DTNBP1: variants seen among roughly 807,000 people sequenced by gnomAD.
DTNBP1 encodes the protein dystrobrevin binding protein 1.
A neutral mutation model predicts 42.8 loss-of-function variants in DTNBP1; 35 were observed. That is an observed-to-expected ratio of 0.82 (90% CI 0.63 to 1.09). The LOEUF (loss-of-function observed/expected upper bound fraction) is 1.09. Ranked by LOEUF, DTNBP1 falls within the 50% of genes least tolerant of loss-of-function variation. The pLI is 0.00. For missense variants in DTNBP1, 457 were observed against 424.2 expected, an observed-to-expected ratio of 1.08 and a Z score of -0.68; for synonymous variants, 171 against 162.2, an observed-to-expected ratio of 1.05 and a Z score of -0.41.
chr6:15,578,676 A>C (rs1276618714), intron 7 of DTNBP1, among the ~76,000 whole-genome samples: 3 of 152,254 alleles, frequency 2.0e-5, no homozygotes, highest in Non-Finnish European at 4.4e-5. Flanking sequence ...ACTATAATAA[A>C]AACTGGAAGA....
At chr6:15,631,330 C>T (rs1179484030) in intron 4 of DTNBP1, among the ~76,000 whole-genome samples, 1 of 152,008 alleles carries the variant, frequency 6.6e-6, no homozygotes, top group African/African-American at 2.4e-5. Flanking sequence ...ACCAATTATA[C>T]AAAAATTTAA....
intron 5 of DTNBP1, among the ~76,000 whole-genome samples, chr6:15,617,530 GGAACA>G (rs1398439585): frequency 6.6e-6 from 1 of 151,870 alleles, no homozygotes; most frequent in Non-Finnish European, 1.5e-5. Context: ...CAGACATGCT[GGAACA>G]GAACAGAGAA....
intron 1 of DTNBP1, among the ~76,000 whole-genome samples, chr6:15,652,422 T>C (rs1010220987): frequency 3.3e-5 from 5 of 152,002 alleles, no homozygotes; most frequent in African/African-American, 1.2e-4. Context: ...CCTCAAATGA[T>C]CCTCCTGCCT....
intron 8 of DTNBP1, among the ~76,000 whole-genome samples, chr6:15,526,285 T>A (rs1772383441): frequency 6.6e-6 from 1 of 152,150 alleles, no homozygotes; most frequent in Non-Finnish European, 1.5e-5. Flanking sequence ...TGAGTTAATG[T>A]AAAACCTGGA....
chr6:15,612,269 T>C (rs1226663306), intron 6 of DTNBP1, among the ~76,000 whole-genome samples: 1 of 152,200 alleles, frequency 6.6e-6, no homozygotes, highest in Non-Finnish European at 1.5e-5. Context: ...AATTAAGGTA[T>C]GTACATTGTG....
intron 7 of DTNBP1, among the ~76,000 whole-genome samples, chr6:15,576,346 C>T (rs1425090004): frequency 6.6e-6 from 1 of 152,096 alleles, no homozygotes; most frequent in Admixed American, 6.5e-5. Context: ...TGGTCTCAAA[C>T]TCCTGAGCTC....
At chr6:15,632,537 C>T (rs966053026) in intron 4 of DTNBP1, among the ~76,000 whole-genome samples, 5 of 152,018 alleles carry the variant, frequency 3.3e-5, no homozygotes, top group Admixed American at 2.6e-4. Flanking sequence ...CAACTCGCAC[C>T]CCCAAATACA....
At position 15,619,407 on chromosome 6, in the gene DTNBP1, A is replaced by G. The variant is rs192035082; in HGVS notation, c.356-4008T>C. Among the ~76,000 whole-genome samples, 13 of 152,302 alleles carry G rather than the reference A, an allele frequency of 8.5e-5. No individual in the cohort carries two copies. The East Asian group carries it at 1.9e-3, about 23-fold the overall frequency. ...ACTTAAAAATTTTTTAAAAGAAAAG[A>G]AACTGGGAGAAAATCATTGCAGAAC... On this transcript the variant is annotated intron_variant, in intron 5 of 9. Transcript: ENST00000344537.
At chr6:15,586,436 T>A (rs1776082578) in intron 7 of DTNBP1, among the ~76,000 whole-genome samples, 1 of 152,056 alleles carries the variant, frequency 6.6e-6, no homozygotes, top group Non-Finnish European at 1.5e-5. Flanking sequence ...GAATCACAGC[T>A]CCATCAATCA....
intron 6 of DTNBP1, among the ~76,000 whole-genome samples, chr6:15,614,513 C>T (rs930504625): frequency 1.3e-5 from 2 of 152,188 alleles, no homozygotes; most frequent in African/African-American, 2.4e-5. Flanking sequence ...CAGTCTGTCT[C>T]ATGTCCTCTG....
intron 7 of DTNBP1, among the ~76,000 whole-genome samples, chr6:15,544,494 C>T (rs1773761235): frequency 6.6e-6 from 1 of 152,228 alleles, no homozygotes; most frequent in Non-Finnish European, 1.5e-5. Context: ...AAACTCTTTT[C>T]CAGAGTAGCT....
At chr6:15,574,192 T>C (rs554918056) in intron 7 of DTNBP1, among the ~76,000 whole-genome samples, 1 of 152,318 alleles carries the variant, frequency 6.6e-6, no homozygotes, top group South Asian at 2.1e-4. Context: ...GCTCCATAAA[T>C]GGATGGTTTC....
intron 7 of DTNBP1, among the ~76,000 whole-genome samples, chr6:15,561,345 ACT>A (rs1447773434): frequency 6.6e-6 from 1 of 152,158 alleles, no homozygotes; most frequent in African/African-American, 2.4e-5. Context: ...ATTTTGCTTT[ACT>A]CTTGTGGAAT....
chr6:15,575,428 G>A (rs1581345770), intron 7 of DTNBP1, among the ~76,000 whole-genome samples: 1 of 152,188 alleles, frequency 6.6e-6, no homozygotes, highest in Non-Finnish European at 1.5e-5. Context: ...TTATGGGCAA[G>A]AGACCACAGA....
chr6:15,569,578 C>T (rs1388863495), intron 7 of DTNBP1, among the ~76,000 whole-genome samples: 7 of 152,148 alleles, frequency 4.6e-5, no homozygotes, highest in Admixed American at 1.3e-4. Context: ...TCCTTCTCCA[C>T]GGAAAGCCTT....
chr6:15,554,345 G>A (rs911852738), intron 7 of DTNBP1, among the ~76,000 whole-genome samples: 1 of 152,136 alleles, frequency 6.6e-6, no homozygotes, highest in African/African-American at 2.4e-5. Flanking sequence ...TGCCTCCCAA[G>A]TAGCTGGAAT....
chr6:15,635,888 C>G (rs2113763844), intron 4 of DTNBP1, among the ~76,000 whole-genome samples: 1 of 152,302 alleles, frequency 6.6e-6, no homozygotes, highest in East Asian at 1.9e-4. Flanking sequence ...TTAAGTCCAT[C>G]TTTTATCTCT....
intron 3 of DTNBP1, among the ~76,000 whole-genome samples, chr6:15,648,238 A>T (rs958117101): frequency 2.6e-5 from 4 of 152,108 alleles, no homozygotes; most frequent in African/African-American, 9.6e-5. Context: ...CTAAAGTAGA[A>T]GGGAACAATC....
At chr6:15,643,612 A>T (rs1204881455) in intron 3 of DTNBP1, among the ~76,000 whole-genome samples, 2 of 152,216 alleles carry the variant, frequency 1.3e-5, no homozygotes, top group Non-Finnish European at 2.9e-5. Context: ...CTTTACAGTC[A>T]GAAGAGACTG....
Sources: gnomAD v4.1 joint callset for allele counts (sites outside exome capture counted in the v4.1 genomes callset) on GRCh38, gnomAD v4.1.1 for gene constraint, MANE v1.5 for transcripts, NCBI Gene and HGNC (gene_info 2026-07-23, HGNC 2026-07-21) for gene names.